The following TMEM272 variants were observed in gnomAD, a reference collection of about 807,000 sequenced individuals.
The protein encoded by TMEM272 is long intergenic non-protein coding RNA 282.
TMEM272 carries 8 observed loss-of-function variants against 3.7 expected under a neutral mutation model. That is an observed-to-expected ratio of 2.17 (90% CI 1.27 to 3.91). The LOEUF (loss-of-function observed/expected upper bound fraction) is 3.91, where lower values mean the gene tolerates loss of function less well. Ranked by LOEUF, TMEM272 falls within the 30% of genes most tolerant of loss-of-function variation. The pLI is 0.00. For synonymous variants in TMEM272, 63 were observed against 39.8 expected, an observed-to-expected ratio of 1.58 and a Z score of -2.20; for missense variants, 166 against 91.5, an observed-to-expected ratio of 1.81 and a Z score of -3.32.
chr13:51,874,980 T>C, the TMEM272 span, among the ~76,000 whole-genome samples: 3 of 152,338 alleles, frequency 2.0e-5, no homozygotes, highest in South Asian at 2.1e-4. Flanking sequence ...AACTCAGAGC[T>C]GGTTGCTTAG....
At chr13:51,848,559 A>G (rs1319762335), upstream of TMEM272, among the ~76,000 whole-genome samples, 1 of 152,264 alleles carries the variant, frequency 6.6e-6, no homozygotes, top group Non-Finnish European at 1.5e-5. Flanking sequence ...TACTGTGAAT[A>G]AAAAGATTAC....
chr13:51,829,401 T>G, intron 2 of TMEM272, among the ~76,000 whole-genome samples: 1 of 152,206 alleles, frequency 6.6e-6, no homozygotes, highest in East Asian at 1.9e-4. Flanking sequence ...TTGAACAAGG[T>G]GCTTTGCATT....
the TMEM272 span, among the ~76,000 whole-genome samples, chr13:51,890,928 C>G: frequency 6.6e-6 from 1 of 152,196 alleles, no homozygotes; most frequent in African/African-American, 2.4e-5. Context: ...TCTTTAAACT[C>G]AATTTGTTGA....
At chr13:51,908,498 C>T in the TMEM272 span, 32 of 1,510,470 alleles carry the variant, frequency 2.1e-5, no homozygotes, top group South Asian at 9.0e-5. Context: ...TTCTCATGAA[C>T]GGGCCCCTCG....
chr13:51,833,087 C>A (rs560284705), intron 2 of TMEM272, among the ~76,000 whole-genome samples: 14 of 152,030 alleles, frequency 9.2e-5, no homozygotes, highest in Non-Finnish European at 1.5e-4. Flanking sequence ...GGATTTTTGA[C>A]GGGCTGAGTT....
the TMEM272 span, chr13:51,909,078 G>A: frequency 7.3e-5 from 108 of 1,475,714 alleles, no homozygotes; most frequent in Non-Finnish European, 9.6e-5. Flanking sequence ...GGGACCATAT[G>A]AGGAATGCTC....
intron 1 of TMEM272, among the ~76,000 whole-genome samples, chr13:51,839,154 C>A (rs542429913): frequency 2.0e-5 from 3 of 152,044 alleles, no homozygotes; most frequent in African/African-American, 7.2e-5. Flanking sequence ...GAGACCCGAG[C>A]GGCCTGGAGC....
chr13:51,854,161 T>C, the TMEM272 span, among the ~76,000 whole-genome samples: 1 of 152,208 alleles, frequency 6.6e-6, no homozygotes, highest in African/African-American at 2.4e-5. Flanking sequence ...AGCTCGCTGA[T>C]GTTAAGTGAT....
intron 3 of TMEM272, among the ~76,000 whole-genome samples, chr13:51,822,743 T>G (rs1956091139): frequency 6.6e-6 from 1 of 152,198 alleles, no homozygotes; most frequent in African/African-American, 2.4e-5. Flanking sequence ...CACATATCCT[T>G]AGCTACCAGA....
the TMEM272 span, among the ~76,000 whole-genome samples, chr13:51,876,610 A>C: frequency 3.0e-4 from 45 of 152,340 alleles, 2 homozygotes; most frequent in South Asian, 8.9e-3. Flanking sequence ...CATGATTCTA[A>C]AATGGAATCA....
At chr13:51,925,498 C>T in the TMEM272 span, among the ~76,000 whole-genome samples, 3 of 152,094 alleles carry the variant, frequency 2.0e-5, no homozygotes, top group African/African-American at 7.2e-5. Context: ...AATAGCAATA[C>T]ACACATCCCT....
At chr13:51,901,747 G>A in the TMEM272 span, among the ~76,000 whole-genome samples, 1 of 152,142 alleles carries the variant, frequency 6.6e-6, no homozygotes, top group East Asian at 1.9e-4. Flanking sequence ...CTGCCTCCCC[G>A]AGTTCAGGCT....
chr13:51,852,676 G>A, the TMEM272 span, among the ~76,000 whole-genome samples: 22 of 152,160 alleles, frequency 1.4e-4, no homozygotes, highest in East Asian at 1.4e-3. Context: ...TCAAGAGATC[G>A]AGACCATCCT....
chr13:51,899,889 T>C, the TMEM272 span, among the ~76,000 whole-genome samples: 1 of 152,194 alleles, frequency 6.6e-6, no homozygotes, highest in Non-Finnish European at 1.5e-5. Flanking sequence ...GCCTAGGCAA[T>C]CATATGGGAG....
chr13:51,897,280 C>T, the TMEM272 span, among the ~76,000 whole-genome samples: 22 of 151,890 alleles, frequency 1.4e-4, no homozygotes, highest in Admixed American at 8.5e-4. Flanking sequence ...CTCACTGTAG[C>T]CCTGACCTAG....
At chr13:51,870,250 T>TG in the TMEM272 span, among the ~76,000 whole-genome samples, 1,861 of 152,262 alleles carry the variant, frequency 0.012, 43 homozygotes, top group African/African-American at 0.043. Context: ...AAAAGTTCTT[T>TG]GGTTTTTTTT....
the TMEM272 span, among the ~76,000 whole-genome samples, chr13:51,890,217 C>T: frequency 6.6e-6 from 1 of 152,146 alleles, no homozygotes; most frequent in African/African-American, 2.4e-5. Context: ...GTTTATCCCC[C>T]AAAAGCTCAT....
the TMEM272 span, among the ~76,000 whole-genome samples, chr13:51,901,110 G>T: frequency 6.6e-5 from 10 of 152,202 alleles, no homozygotes; most frequent in African/African-American, 2.4e-4. Flanking sequence ...CATCTATGAC[G>T]TGAATTATAT....
At chr13:51,840,214 C>T (rs1956249980) in intron 1 of TMEM272, among the ~76,000 whole-genome samples, 1 of 152,058 alleles carries the variant, frequency 6.6e-6, no homozygotes, top group Admixed American at 6.6e-5. Context: ...CTCTCCACTT[C>T]ACCCCAGAGC....
Sources: gnomAD v4.1 joint callset for allele counts (sites outside exome capture counted in the v4.1 genomes callset) on GRCh38, gnomAD v4.1.1 for gene constraint, MANE v1.5 for transcripts, NCBI Gene and HGNC (gene_info 2026-07-23, HGNC 2026-07-21) for gene names.